The following DISC1 variants were observed in gnomAD, a reference collection of about 807,000 sequenced individuals.
DISC1 encodes the protein DISC1 scaffold protein.
In DISC1, 57 loss-of-function variants were observed where a neutral mutation model predicts 84.5. That is an observed-to-expected ratio of 0.67 (90% confidence interval 0.55 to 0.84). The LOEUF (loss-of-function observed/expected upper bound fraction) is 0.84, where lower values mean the gene tolerates loss of function less well. Among genes scored for constraint, DISC1 ranks in the 40% least tolerant of loss-of-function variants. The pLI, the probability that DISC1 is intolerant of heterozygous loss-of-function variation, is 0.00. For missense variants in DISC1, 1,000 were observed against 1,057.8 expected, an observed-to-expected ratio of 0.95 and a Z score of 0.76; for synonymous variants, 411 against 415.2, an observed-to-expected ratio of 0.99 and a Z score of 0.12.
At chr1:231,684,656 T>C (rs1018358488) in intron 1 of DISC1, 25 of 152,204 alleles carry the variant, frequency 1.6e-4, no homozygotes, top group African/African-American at 5.5e-4. Flanking sequence ...CGTATCTATC[T>C]CTTGTGCTAA....
intron 9 of DISC1, chr1:231,945,098 A>T (rs1037251786): frequency 6.6e-6 from 1 of 152,238 alleles, no homozygotes; most frequent in Non-Finnish European, 1.5e-5. Flanking sequence ...CGGACCTAAT[A>T]GACATCTACA....
chr1:231,702,261 A>T, intron 3 of DISC1: 1 of 1,212,594 alleles, frequency 8.2e-7, no homozygotes, highest in South Asian at 2.3e-5. Context: ...AGAAACACTT[A>T]GCATACTCAC....
chr1:231,728,118 A>T (rs527856635), intron 3 of DISC1, among the ~76,000 whole-genome samples: 1 of 152,302 alleles, frequency 6.6e-6, no homozygotes, highest in African/African-American at 2.4e-5. Flanking sequence ...TCATACAAAG[A>T]TGGAGGAATC....
intron 9 of DISC1, among the ~76,000 whole-genome samples, chr1:231,947,934 C>T (rs974654643): frequency 1.5e-4 from 23 of 152,038 alleles, no homozygotes; most frequent in African/African-American, 5.1e-4. Flanking sequence ...GTTAGAATTG[C>T]GATCATTAAA....
chr1:231,812,135 C>T (rs944792541), intron 8 of DISC1, among the ~76,000 whole-genome samples: 1 of 152,024 alleles, frequency 6.6e-6, no homozygotes, highest in Non-Finnish European at 1.5e-5. Flanking sequence ...GACTCACTGC[C>T]ACCTCAAGCT....
rs753203385 is a variant in DISC1, at chr1:232,031,120, GGGAA to G, written c.2425+4584_2425+4587del. On this transcript the variant is annotated intron_variant, in intron 12 of 12. Coordinates refer to ENST00000439617, the MANE Select transcript of DISC1 (RefSeq NM_018662.3). The surrounding 1 kb of genome is among the most constrained non-coding windows in gnomAD (Gnocchi z 4.6). ...TAAGACACTGCCAAAGAAGGAGGGA[GGGAA>G]GGAAGGAAGGAAGGAGGGAGAGAGG... Among the ~76,000 whole-genome samples, 11 of 150,036 alleles carry G rather than the reference GGGAA, an allele frequency of 7.3e-5. No individual in the cohort carries two copies. The South Asian group carries it at 8.5e-4, about 12-fold the overall frequency.
chr1:231,974,107 G>T (rs528403018), intron 10 of DISC1, among the ~76,000 whole-genome samples: 2 of 152,182 alleles, frequency 1.3e-5, no homozygotes, highest in East Asian at 3.9e-4. Context: ...CACTAAACAG[G>T]GTCAAGTGAG....
intron 1 of DISC1, among the ~76,000 whole-genome samples, chr1:231,629,995 G>C (rs776277512): frequency 3.3e-5 from 5 of 152,060 alleles, no homozygotes; most frequent in Non-Finnish European, 5.9e-5. Context: ...GCAGTGGCAC[G>C]ATCTCGGCTC....
intron 6 of DISC1, 172 bp downstream of exon 6, chr1:231,771,242 C>T: frequency 1.0e-6 from 1 of 985,090 alleles, no homozygotes; most frequent in Non-Finnish European, 1.2e-6. Flanking sequence ...TGGGGCAGTC[C>T]TGAACATTGC....
chr1:231,656,005 G>A (rs116702868), intron 1 of DISC1, among the ~76,000 whole-genome samples: 1,584 of 152,038 alleles, frequency 0.01, 11 homozygotes, highest in Non-Finnish European at 0.013. Context: ...GTCTGTTGTC[G>A]GATGCATAGT....
chr1:231,765,181 C>G (rs2076068749), intron 4 of DISC1, among the ~76,000 whole-genome samples: 2 of 120,600 alleles, frequency 1.7e-5, no homozygotes, highest in Admixed American at 1.0e-4. Flanking sequence ...CAGAGCTAGA[C>G]CTTGTCCACC....
chr1:231,763,813 C>T (rs1324293561), intron 4 of DISC1, among the ~76,000 whole-genome samples: 4 of 152,178 alleles, frequency 2.6e-5, no homozygotes, highest in Non-Finnish European at 5.9e-5. Context: ...CATGGAAGAA[C>T]CAAGAACTGT....
chr1:231,738,377 C>T (rs2072799488), intron 3 of DISC1, among the ~76,000 whole-genome samples: 1 of 152,200 alleles, frequency 6.6e-6, no homozygotes, highest in African/African-American at 2.4e-5. Flanking sequence ...CCTGCTTGAG[C>T]AGTTCGTTAG....
At chr1:231,835,483 G>A (rs1421566242) in intron 9 of DISC1, among the ~76,000 whole-genome samples, 1 of 152,202 alleles carries the variant, frequency 6.6e-6, no homozygotes, top group Non-Finnish European at 1.5e-5. Context: ...GGATGAGCCA[G>A]GAGAAGGAAT....
At chr1:232,004,952 C>T (rs1261252979) in intron 10 of DISC1, among the ~76,000 whole-genome samples, 5 of 68,732 alleles carry the variant, frequency 7.3e-5, no homozygotes. Flanking sequence ...TCCTTTCCTT[C>T]CTTCCTTCCT....
At chr1:231,646,364 T>C (rs1409571998) in intron 1 of DISC1, among the ~76,000 whole-genome samples, 1 of 152,178 alleles carries the variant, frequency 6.6e-6, no homozygotes, top group South Asian at 2.1e-4. Context: ...TAGTATTCCA[T>C]GGTGTATATG....
chr1:231,795,402 T>A, intron 7 of DISC1, 106 bp downstream of exon 7: 1 of 1,023,838 alleles, frequency 9.8e-7, no homozygotes, highest in Non-Finnish European at 1.5e-6. Context: ...AAAAAAGATG[T>A]AGACTTTGTC....
At chr1:231,837,175 T>G (rs2082684938) in intron 9 of DISC1, among the ~76,000 whole-genome samples, 1 of 152,176 alleles carries the variant, frequency 6.6e-6, no homozygotes, top group Admixed American at 6.5e-5. Context: ...GCTTTTATAT[T>G]TTAGCATAAT....
At chr1:232,028,150 C>A (rs1443687927) in intron 12 of DISC1, among the ~76,000 whole-genome samples, 2 of 152,130 alleles carry the variant, frequency 1.3e-5, no homozygotes, top group Non-Finnish European at 2.9e-5. Context: ...ATTCCATGTT[C>A]ATGGGATCAC....
Sources: allele counts gnomAD v4.1 joint callset (sites outside exome capture counted in the v4.1 genomes callset), GRCh38; gene constraint gnomAD v4.1.1; non-coding constraint Gnocchi (gnomAD v3.1); transcripts MANE v1.5; gene names NCBI Gene and HGNC (gene_info 2026-07-23, HGNC 2026-07-21).